The following KIF1B variants were observed in gnomAD, a reference collection of about 807,000 sequenced individuals.
The protein encoded by KIF1B is kinesin-like protein KIF1B.
KIF1B carries 76 observed loss-of-function variants against 241.9 expected under a neutral mutation model. The observed-to-expected ratio is 0.31, with a 90% CI of 0.26 to 0.38. The LOEUF (loss-of-function observed/expected upper bound fraction) is 0.38, where lower values mean the gene tolerates loss of function less well. Ranked by LOEUF, KIF1B falls within the 10% of genes least tolerant of loss-of-function variation. The probability of loss-of-function intolerance (pLI) is 1.00; values close to 1 mark genes in which losing one functional copy is unlikely to be tolerated. For synonymous variants in KIF1B, 750 were observed against 796.7 expected, an observed-to-expected ratio of 0.94 and a Z score of 0.99; for missense variants, 1,622 against 2,271.4, an observed-to-expected ratio of 0.71 and a Z score of 5.81.
rs1025795768 is a variant in KIF1B, at chr1:10,230,870, A to G, written c.-79-1380A>G. 8.5e-5 allele frequency: 13 copies of G among 152,224 alleles called. 1 individual carries two copies. The highest frequency in any genetic ancestry group is 4.1e-4 in the South Asian group (2 of 4,824). The allele number at this position is 152,224 out of a possible 1,614,324, so 9.4% of individuals were successfully genotyped here. A position where few individuals can be genotyped will look rare whatever the true frequency, so the allele number is the denominator to read the frequency against. On this transcript the variant is annotated intron_variant, in intron 1 of 48. Transcript: ENST00000676179. ...TTACTTCATTCAGTAGTGAAATGTA[A>G]TGATTTGACTCTGCCATGAGTCAGT... is the stretch of plus-strand genomic sequence containing the variant.
At position 10,372,681 on chromosome 1, in the gene KIF1B, GCGC is replaced by G. The variant is rs1638776766; in HGVS notation, c.4946+1420_4946+1422del. Among the ~76,000 whole-genome samples the G allele has an allele frequency of 5.5e-5, 7 of 128,114 alleles. 2 individuals carry two copies. Among genetic ancestry groups the G allele is most frequent in the African/African-American group, 2.1e-4 (7 of 33,856 alleles). The allele number at this position is 128,114 out of a possible 152,430, so 84.0% of individuals were successfully genotyped here. ...TGACAGAGCTGTCACCCAAGCTGGC[GCGC>G]AGCGGCGCAATCTCGGCTCACTGCA... On this transcript the variant is annotated intron_variant, in intron 45 of 48. Coordinates refer to ENST00000676179, the MANE Select transcript of KIF1B (RefSeq NM_001365951.3).
At chr1:10,308,995 T>C (rs1650954538) in intron 22 of KIF1B, among the ~76,000 whole-genome samples, 1 of 152,226 alleles carries the variant, frequency 6.6e-6, no homozygotes, top group Non-Finnish European at 1.5e-5. Context: ...AGAAACTAAA[T>C]TTCTAAAAAG....
rs1345814807 is a variant in KIF1B, at chr1:10,327,448, A to G, written c.2924+1089A>G. Among the ~76,000 whole-genome samples, 13 of 151,480 alleles carry G rather than the reference A, an allele frequency of 8.6e-5. 1 individual carries two copies. Among genetic ancestry groups the G allele is most frequent in the Admixed American group, 8.6e-4 (13 of 15,200 alleles). ...CCCGGAAGGCAGAGGTTGCAGTGAGACAAGATTGCACAACTGCACTCCAGC... is the reference window on the plus strand; with the variant it reads ...CCCGGAAGGCAGAGGTTGCAGTGAGGCAAGATTGCACAACTGCACTCCAGC... On this transcript the variant is annotated intron_variant, in intron 27 of 48. Transcript: ENST00000676179.
intron 4 of KIF1B, among the ~76,000 whole-genome samples, chr1:10,260,761 G>A (rs1288923279): frequency 6.6e-6 from 1 of 151,600 alleles, no homozygotes; most frequent in Non-Finnish European, 1.5e-5. Flanking sequence ...CAGCTACTTG[G>A]GAGGCTGAGG....
rs561141655 is a variant in KIF1B, at chr1:10,354,213, A to G, written c.4055+1477A>G. 8.5e-5 allele frequency among the ~76,000 whole-genome samples: 13 copies of G among 152,358 alleles called. No homozygotes were observed. In the South Asian group the frequency reaches 2.7e-3, roughly 32 times the overall value. Reference sequence around the variant, plus strand: ...TGAAGTCAAGAATAACAACAACAACAAAAAACACCTTAAATATTTCTGTTC... The same window carrying G: ...TGAAGTCAAGAATAACAACAACAACGAAAAACACCTTAAATATTTCTGTTC... On this transcript the variant is annotated intron_variant, in intron 38 of 48. Transcript: ENST00000676179.
chr1:10,322,941 C>CT (rs928682331), intron 24 of KIF1B, among the ~76,000 whole-genome samples: 1 of 152,070 alleles, frequency 6.6e-6, no homozygotes, highest in African/African-American at 2.4e-5. Flanking sequence ...TTATTAAACA[C>CT]TTTTTTTTAT....
At position 10,303,996 on chromosome 1, in the gene KIF1B, A is replaced by G. The variant is rs1399166460; in HGVS notation, c.2115+6750A>G. On this transcript the variant is annotated intron_variant, in intron 22 of 48. Coordinates refer to ENST00000676179, the MANE Select transcript of KIF1B (RefSeq NM_001365951.3). This position sits in a 1 kb window ranked among gnomAD's most constrained non-coding sequence, Gnocchi z 5.2. The stretch of plus-strand genomic sequence containing the variant: ...TTAAGAACTTGCAACAGCAGGAGAT[A>G]ACAAAGCAGCTTCGTCGGCAGAATG... The G allele has an allele frequency of 1.9e-6, 3 of 1,612,268 alleles. No homozygotes were observed. Among genetic ancestry groups the G allele is most frequent in the Non-Finnish European group, 2.5e-6 (3 of 1,179,064 alleles).
intron 3 of KIF1B, among the ~76,000 whole-genome samples, chr1:10,256,734 CG>C (rs1557668875): frequency 6.6e-6 from 1 of 150,974 alleles, no homozygotes; most frequent in African/African-American, 2.4e-5. Flanking sequence ...TCTTCTGAGA[CG>C]GAGTCTCACT....
chr1:10,350,488 G>A lies in KIF1B; in HGVS notation c.3949+1755G>A, dbSNP rs576839377. ...GGCAGGAGAATGGCATGAACCTGGA[G>A]GCGGAGCTTGCAGTGAGCCACGATT... On this transcript the variant is annotated intron_variant, in intron 37 of 48. Transcript: ENST00000676179. 9.3e-4 allele frequency among the ~76,000 whole-genome samples: 139 copies of A among 150,128 alleles called. 1 individual carries two copies. The highest frequency in any genetic ancestry group is 3.3e-3 in the African/African-American group (134 of 40,652).
Position 10,326,373 on chromosome 1 carries a change from T to A in KIF1B, c.2924+14T>A. The A allele has an allele frequency of 1.9e-6, 3 of 1,614,064 alleles. No individual in the cohort carries two copies. Among genetic ancestry groups the A allele is most frequent in the Non-Finnish European group, 8.5e-7 (1 of 1,180,032 alleles). On this transcript the variant is annotated intron_variant, in intron 27 of 48. Transcript: ENST00000676179. The surrounding 1 kb of genome is among the most constrained non-coding windows in gnomAD (Gnocchi z 5.2). ...TTTAGTGGGAAGGTTGGTGAGGTTA[T>A]TGTGAGAAAGGCGAAAAGGGACCAG... is the stretch of plus-strand genomic sequence containing the variant.
chr1:10,280,319 C>A (rs575744823), intron 14 of KIF1B, among the ~76,000 whole-genome samples: 2 of 151,960 alleles, frequency 1.3e-5, no homozygotes, highest in African/African-American at 4.8e-5. Flanking sequence ...ACTGCAACTT[C>A]CGCTGCCTGG....
chr1:10,312,155 T>G (rs1288596613), intron 22 of KIF1B, among the ~76,000 whole-genome samples: 2 of 151,410 alleles, frequency 1.3e-5, no homozygotes, highest in Non-Finnish European at 2.9e-5. Flanking sequence ...GACATCCAAA[T>G]CACTGGCAGG....
chr1:10,311,301 A>G (rs948502789), intron 22 of KIF1B, among the ~76,000 whole-genome samples: 4 of 147,162 alleles, frequency 2.7e-5, no homozygotes, highest in Non-Finnish European at 4.4e-5. Context: ...TGCAACCTCT[A>G]CCTTCCGGGT....
At chr1:10,358,170 C>CA (rs1436347914) in intron 38 of KIF1B, among the ~76,000 whole-genome samples, 3 of 150,110 alleles carry the variant, frequency 2.0e-5, no homozygotes, top group Admixed American at 2.0e-4. Context: ...ATTTTTCCCT[C>CA]AATACAGGAA....
chr1:10,308,348 G>C, intron 22 of KIF1B: 1 of 1,053,190 alleles, frequency 9.5e-7, no homozygotes, highest in East Asian at 5.4e-5. Context: ...ATCTGTTCTA[G>C]ATATTCTTAG....
intron 2 of KIF1B, among the ~76,000 whole-genome samples, chr1:10,237,463 C>G (rs1471664149): frequency 6.6e-6 from 1 of 152,100 alleles, no homozygotes; most frequent in Admixed American, 6.6e-5. Context: ...TGATATTTTA[C>G]TTTATTTTTA....
At chr1:10,366,457 G>A (rs1384126367) in intron 43 of KIF1B, among the ~76,000 whole-genome samples, 1 of 151,958 alleles carries the variant, frequency 6.6e-6, no homozygotes, top group Non-Finnish European at 1.5e-5. Context: ...TGTCCTGCGT[G>A]ATCAGGAGGG....
chr1:10,336,562 C>A, intron 28 of KIF1B, 95 bp from the exon 29 acceptor site: 1 of 966,064 alleles, frequency 1.0e-6, no homozygotes, highest in Non-Finnish European at 1.7e-6. Context: ...TTCTCTCATG[C>A]CAAAGACTTG....
chr1:10,348,627 G>A (rs919200470), intron 36 of KIF1B, 22 bp from the exon 37 acceptor site: 1 of 1,600,256 alleles, frequency 6.2e-7, no homozygotes, highest in Non-Finnish European at 8.6e-7. Context: ...CAGCTAAATT[G>A]CAACCCTGCT....
Sources: allele counts gnomAD v4.1 joint callset (sites outside exome capture counted in the v4.1 genomes callset), GRCh38; gene constraint gnomAD v4.1.1; non-coding constraint Gnocchi (gnomAD v3.1); transcripts MANE v1.5; gene names NCBI Gene and HGNC (gene_info 2026-07-23, HGNC 2026-07-21).